PPP1R12C: variants seen among roughly 807,000 people sequenced by gnomAD.
PPP1R12C encodes protein phosphatase 1 regulatory subunit 12C, also known as leukocyte receptor cluster (LRC) encoded novel gene 3.
A neutral mutation model predicts 95.6 loss-of-function variants in PPP1R12C; 48 were observed. The observed-to-expected ratio is 0.50, with a 90% CI of 0.40 to 0.64. The LOEUF (loss-of-function observed/expected upper bound fraction) is 0.64. PPP1R12C is among the 30% of genes least tolerant of loss of function. PPP1R12C has a pLI of 0.00. For synonymous variants in PPP1R12C, 480 were observed against 460.8 expected (o/e 1.04, Z -0.53); for missense variants, 1,057 against 1,083.3 (o/e 0.98, Z 0.34).
intron 3 of PPP1R12C, among the ~76,000 whole-genome samples, chr19:55,104,247 A>G (rs2085012604): frequency 6.8e-6 from 1 of 146,032 alleles, no homozygotes; most frequent in Non-Finnish European, 1.5e-5. Flanking sequence ...ATATTTATAT[A>G]TATAATATAT....
chr19:55,106,058 T>C (rs980591551), intron 3 of PPP1R12C, among the ~76,000 whole-genome samples: 7 of 152,152 alleles, frequency 4.6e-5, no homozygotes, highest in Non-Finnish European at 1.0e-4. Context: ...TCAATAAACG[T>C]GGGATGGAAC....
intron 1 of PPP1R12C, among the ~76,000 whole-genome samples, chr19:55,116,253 A>T (rs2085152193): frequency 6.6e-6 from 1 of 152,148 alleles, no homozygotes; most frequent in Non-Finnish European, 1.5e-5. Flanking sequence ...CCCCAGAAGG[A>T]GAAGGAAAAG....
chr19:55,092,380 C>CG, intron 18 of PPP1R12C, 54 bp from the exon 19 acceptor site: 1 of 1,147,882 alleles, frequency 8.7e-7, no homozygotes, highest in Non-Finnish European at 1.3e-6. Flanking sequence ...GCTGGGGGGG[C>CG]GGGGAAGCCA....
chr19:55,117,235 G>A lies in PPP1R12C; in HGVS notation c.309C>T (p.Ser103=). ...GGGGGGCGCTGACCTGGTGCAGGGC[G>A]CTGATACCGTCGGCGTTGGTGGAGT... is the stretch of plus-strand genomic sequence containing the variant. ...VLDSTNADGI[S]ALHQACIDEN... is the part of the protein sequence containing the mutation. Residue 103 remains serine (S), a synonymous_variant, in exon 1 of 22, where the codon AGC becomes AGT. Coordinates refer to ENST00000263433, the MANE Select transcript of PPP1R12C (RefSeq NM_017607.4). 8.2e-7 allele frequency: 1 copy of A among 1,225,124 alleles called. No individual in the cohort carries two copies. The highest frequency in any genetic ancestry group is 1.0e-6 in the Non-Finnish European group (1 of 983,906). The allele number at this position is 1,225,124 out of a possible 1,614,324, so 75.9% of individuals were successfully genotyped here.
intron 6 of PPP1R12C, among the ~76,000 whole-genome samples, chr19:55,097,293 C>A (rs1198116340): frequency 8.8e-6 from 1 of 113,890 alleles, no homozygotes; most frequent in Non-Finnish European, 1.8e-5. Context: ...CCGTCTTCAC[C>A]CCTTCCCCAC....
intron 1 of PPP1R12C, chr19:55,113,297 G>T: frequency 1.1e-6 from 1 of 902,568 alleles, no homozygotes; most frequent in Non-Finnish European, 1.6e-6. Context: ...GAAGCCGTGG[G>T]CCCAGGGCTA....
In PPP1R12C at chr19:55,092,652, G is replaced by T; in HGVS notation, c.1922C>A (p.Ala641Glu). The change falls in exon 17 of 22, where the codon GCG becomes GAG. Residue 641 changes from alanine (A) to glutamate (E), a missense_variant. Physicochemically the swap from Ala to Glu is moderately radical, Grantham distance 107. This residue lies in a region of PPP1R12C where 347 missense variants were observed against 307.9 expected (regional missense o/e 1.13). Transcript: ENST00000263433. ...CTCCTGGCTGCGGTCAGCCGGCTCCGCCTCCTCCCCCTGTGGGCAGGTAGA... is the reference window on the plus strand; with the variant it reads ...CTCCTGGCTGCGGTCAGCCGGCTCCTCCTCCTCCCCCTGTGGGCAGGTAGA... Reference protein sequence around the residue: ...EWRGPAEGEEAEPADRSQESS... With the variant: ...EWRGPAEGEEEEPADRSQESS... The T allele has an allele frequency of 6.6e-7, 1 of 1,522,750 alleles. No individual in the cohort carries two copies. Among genetic ancestry groups the T allele is most frequent in the East Asian group, 2.4e-5 (1 of 42,302 alleles). The allele number at this position is 1,522,750 out of a possible 1,614,324, so 94.3% of individuals were successfully genotyped here. A position where few individuals can be genotyped will look rare whatever the true frequency, so the allele number is the denominator to read the frequency against.
chr19:55,113,235 T>C, intron 1 of PPP1R12C: 2 of 553,054 alleles, frequency 3.6e-6, no homozygotes, highest in Non-Finnish European at 6.0e-6. Flanking sequence ...CCCAGCCAGG[T>C]CCTTCCAAGG....
At chr19:55,113,195 G>C (rs1381979289) in intron 1 of PPP1R12C, 7 of 499,898 alleles carry the variant, frequency 1.4e-5, no homozygotes, top group Non-Finnish European at 2.1e-5. Context: ...AGAGCCAGGA[G>C]TCCTGGCCCC....
Position 55,117,493 on chromosome 19 carries a change from AGCCGCC to A in PPP1R12C, c.45_50del (p.Ala17_Ala18del). On this transcript the variant is annotated inframe_deletion, in exon 1 of 22. Coordinates refer to ENST00000263433, the MANE Select transcript of PPP1R12C (RefSeq NM_017607.4). ...GCTGCTCCCGTCGCCGCTCCCGGGCAGCCGCCGCCGCCGCCCCCGGGCCAGCCGCCG... is the reference window on the plus strand; with the variant it reads ...GCTGCTCCCGTCGCCGCTCCCGGGCAGCCGCCGCCCCCGGGCCAGCCGCCG... The A allele has an allele frequency of 9.8e-7, 1 of 1,021,318 alleles. No individual in the cohort carries two copies. The highest frequency in any genetic ancestry group is 1.2e-6 in the Non-Finnish European group (1 of 855,150). 63.3% of individuals were successfully genotyped at this position (1,021,318 alleles called of 1,614,324 possible).
At chr19:55,106,814 G>C (rs1018085820) in intron 3 of PPP1R12C, among the ~76,000 whole-genome samples, 2 of 152,122 alleles carry the variant, frequency 1.3e-5, no homozygotes, top group African/African-American at 4.8e-5. Context: ...CTGGCTCCAG[G>C]GTGCGCACAT....
At position 55,098,822 on chromosome 19, in the gene PPP1R12C, G is replaced by A. The variant is rs1481785565; in HGVS notation, c.913C>T (p.Leu305=). The A allele has an allele frequency of 1.9e-6, 3 of 1,613,452 alleles. No homozygotes were observed. In the African/African-American group the frequency reaches 4.0e-5, roughly 22 times the overall value. Residue 305 remains leucine (L), a synonymous_variant, in exon 6 of 22, where the codon CTG becomes TTG. Coordinates refer to ENST00000263433, the MANE Select transcript of PPP1R12C (RefSeq NM_017607.4). ...RPCDLADEEV[L]SLLEELARKQ... ...CGGGCCAGTTCCTCCAACAGGCTCA[G>A]TACTTCCTCATCGGCCAGGTCACAG...
rs1322911629 is a variant in PPP1R12C at position 55,096,145 on chromosome 19, C to A, written c.1059G>T (p.Lys353Asn). The change falls in exon 8 of 22, where the codon AAG (lysine) becomes AAT (asparagine). Residue 353 changes from lysine (K) to asparagine (N), a missense_variant. By Grantham distance (94) the Lys-to-Asn change is moderately conservative. Transcript: ENST00000263433. The part of the protein sequence containing the change: ...SSVCRLSSRE[K>N]ISLQDLSKER... ...CCTTGGACAAGTCCTGGAGGGAAAT[C>A]TTCTCGCGACTGCTCAGACGACACA... 3.1e-6 allele frequency: 5 copies of A among 1,599,604 alleles called. No homozygotes were observed. The highest frequency in any genetic ancestry group is 4.3e-6 in the Non-Finnish European group (5 of 1,172,978).
At chr19:55,098,258 G>A (rs1016233978) in intron 6 of PPP1R12C, among the ~76,000 whole-genome samples, 12 of 152,220 alleles carry the variant, frequency 7.9e-5, no homozygotes, top group African/African-American at 2.7e-4. Context: ...CCATTTGACA[G>A]ATAAGGAAAC....
intron 1 of PPP1R12C, chr19:55,113,465 G>A: frequency 6.8e-7 from 1 of 1,480,218 alleles, no homozygotes; most frequent in South Asian, 1.3e-5. Context: ...TGCAGCCAGG[G>A]GCTGACACGG....
At chr19:55,094,854 T>C in intron 11 of PPP1R12C, 56 bp from the exon 12 acceptor site, 2 of 1,532,886 alleles carry the variant, frequency 1.3e-6, no homozygotes, top group Non-Finnish European at 1.8e-6. Context: ...GTGCCGGCAC[T>C]GGAGATGCAG....
intron 3 of PPP1R12C, among the ~76,000 whole-genome samples, chr19:55,106,102 C>A (rs2085035621): frequency 6.6e-6 from 1 of 152,200 alleles, no homozygotes; most frequent in African/African-American, 2.4e-5. Context: ...CCATCCCTAG[C>A]AGTCTCCCGC....
chr19:55,092,359 G>A (rs2084853580), intron 18 of PPP1R12C, 33 bp from the exon 19 acceptor site: 11 of 1,466,850 alleles, frequency 7.5e-6, no homozygotes, highest in South Asian at 4.7e-5. Context: ...TCAGGTGGAG[G>A]ATGGGGCGAT....
chr19:55,112,407 G>T, intron 3 of PPP1R12C, 60 bp downstream of exon 3: 2 of 1,492,366 alleles, frequency 1.3e-6, no homozygotes, highest in Non-Finnish European at 9.1e-7. Context: ...AAAGCTCTCA[G>T]CCTGGAGACC....
Sources: allele counts gnomAD v4.1 joint callset (sites outside exome capture counted in the v4.1 genomes callset), GRCh38; gene constraint gnomAD v4.1.1; regional missense constraint gnomAD v4.1.1; transcripts MANE v1.5; gene names NCBI Gene and HGNC (gene_info 2026-07-23, HGNC 2026-07-21).